CATSPERT: variants seen among roughly 807,000 people sequenced by gnomAD.
The protein encoded by CATSPERT is cation channel sperm-associated targeting subunit tau.
At chr2:201,494,429 T>G in the CATSPERT span, 5 of 1,537,548 alleles carry the variant, frequency 3.3e-6, no homozygotes, top group Non-Finnish European at 4.4e-6. Context: ...CCTTTGATGC[T>G]TGGTAAAGAT....
chr2:201,533,748 T>C, the CATSPERT span, among the ~76,000 whole-genome samples: 93,151 of 151,926 alleles, frequency 0.61, 30,345 homozygotes, highest in East Asian at 0.95. Flanking sequence ...CCCCAATGCA[T>C]ACCCCTCCCA....
the CATSPERT span, among the ~76,000 whole-genome samples, chr2:201,563,477 C>A: frequency 4.6e-5 from 6 of 129,344 alleles, no homozygotes; most frequent in Non-Finnish European, 1.0e-4. Context: ...TGACCCCCCA[C>A]CTCCCTCCCG....
At chr2:201,523,520 A>G in the CATSPERT span, among the ~76,000 whole-genome samples, 1 of 152,224 alleles carries the variant, frequency 6.6e-6, no homozygotes, top group African/African-American at 2.4e-5. Context: ...TTAAAGATTA[A>G]AGGAACATCA....
At chr2:201,518,693 G>C in the CATSPERT span, among the ~76,000 whole-genome samples, 3 of 152,176 alleles carry the variant, frequency 2.0e-5, no homozygotes, top group Non-Finnish European at 2.9e-5. Context: ...AAGGTATGGA[G>C]GCAACAAATG....
chr2:201,528,068 GAA>G, the CATSPERT span, among the ~76,000 whole-genome samples: 256 of 138,992 alleles, frequency 1.8e-3, no homozygotes, highest in East Asian at 6.6e-3. Context: ...AGCAAAAAGC[GAA>G]AAAAAAAAAA....
At chr2:201,506,631 G>A in the CATSPERT span, among the ~76,000 whole-genome samples, 1 of 152,102 alleles carries the variant, frequency 6.6e-6, no homozygotes, top group Non-Finnish European at 1.5e-5. Context: ...TCGGCTCACT[G>A]CAACCTCTGC....
At chr2:201,603,718 A>C in the CATSPERT span, among the ~76,000 whole-genome samples, 1 of 152,198 alleles carries the variant, frequency 6.6e-6, no homozygotes, top group South Asian at 2.1e-4. Flanking sequence ...TAACATGCCA[A>C]GGACTGTAAA....
chr2:201,544,007 A>G, the CATSPERT span, among the ~76,000 whole-genome samples: 2 of 151,818 alleles, frequency 1.3e-5, no homozygotes, highest in East Asian at 3.9e-4. Context: ...ATCCCTCCCC[A>G]CTGCCCCCAT....
At chr2:201,595,263 A>T in the CATSPERT span, among the ~76,000 whole-genome samples, 1 of 144,532 alleles carries the variant, frequency 6.9e-6, no homozygotes, top group Non-Finnish European at 1.5e-5. Context: ...ATCTCGGCTC[A>T]CTGCAAGCTC....
the CATSPERT span, among the ~76,000 whole-genome samples, chr2:201,506,679 G>A: frequency 1.1e-4 from 16 of 151,846 alleles, no homozygotes; most frequent in East Asian, 3.9e-4. Flanking sequence ...TCAGCCTCCC[G>A]AGTAGCTGGG....
chr2:201,550,832 A>G, the CATSPERT span: 1 of 152,218 alleles, frequency 6.6e-6, no homozygotes, highest in Non-Finnish European at 1.5e-5. Context: ...TGGTTATCCC[A>G]CTATGAGCAG....
chr2:201,491,470 A>C, the CATSPERT span: 1 of 1,536,754 alleles, frequency 6.5e-7, no homozygotes, highest in African/African-American at 1.4e-5. Context: ...TTTTATATAA[A>C]GAGTTTGTAT....
chr2:201,578,772 T>C, the CATSPERT span, among the ~76,000 whole-genome samples: 1 of 152,188 alleles, frequency 6.6e-6, no homozygotes, highest in African/African-American at 2.4e-5. Flanking sequence ...CTAGTCTAAG[T>C]ATCTAAGCTT....
chr2:201,579,643 T>C, the CATSPERT span, among the ~76,000 whole-genome samples: 1 of 152,052 alleles, frequency 6.6e-6, no homozygotes. Flanking sequence ...TGTATCTCTT[T>C]AAATCTAGAA....
chr2:201,524,128 C>T, the CATSPERT span, among the ~76,000 whole-genome samples: 6 of 152,094 alleles, frequency 3.9e-5, no homozygotes, highest in South Asian at 1.2e-3. Flanking sequence ...TTATCCCCAT[C>T]ACCAAGACAT....
At chr2:201,516,352 G>T in the CATSPERT span, among the ~76,000 whole-genome samples, 5 of 152,180 alleles carry the variant, frequency 3.3e-5, no homozygotes, top group Non-Finnish European at 7.4e-5. Flanking sequence ...GGAGGCCTCA[G>T]GAAACTTACA....
chr2:201,515,910 C>T, the CATSPERT span, among the ~76,000 whole-genome samples: 1 of 152,186 alleles, frequency 6.6e-6, no homozygotes, highest in Admixed American at 6.5e-5. Context: ...TGTAACACAT[C>T]GATTTCATTA....
the CATSPERT span, among the ~76,000 whole-genome samples, chr2:201,611,741 C>G: frequency 6.6e-6 from 1 of 151,720 alleles, no homozygotes. Context: ...ATTTGTGACA[C>G]TTATCACAGA....
the CATSPERT span, chr2:201,495,936 A>G: frequency 1.3e-6 from 2 of 1,599,118 alleles, no homozygotes; most frequent in Non-Finnish European, 1.7e-6. Context: ...GGTCTGAAAG[A>G]TGGTGAATTA....
Sources: allele counts gnomAD v4.1 joint callset (sites outside exome capture counted in the v4.1 genomes callset), GRCh38; gene constraint gnomAD v4.1.1; transcripts MANE v1.5; gene names NCBI Gene and HGNC (gene_info 2026-07-23, HGNC 2026-07-21).